GJA1: variants seen among roughly 807,000 people sequenced by gnomAD.
GJA1 encodes the protein gap junction alpha-1 protein.
A neutral mutation model predicts 31.0 loss-of-function variants in GJA1; 9 were observed. The ratio of observed to expected loss-of-function variants is 0.29; its 90% CI spans 0.17 to 0.51. GJA1 has a LOEUF of 0.51. Among genes scored for constraint, GJA1 ranks in the 20% least tolerant of loss-of-function variants. The probability of loss-of-function intolerance (pLI) is 0.98; values close to 1 mark genes in which losing one functional copy is unlikely to be tolerated. For missense variants in GJA1, 278 were observed against 468.8 expected, an observed-to-expected ratio of 0.59 and a Z score of 3.76; for synonymous variants, 186 against 180.1, an observed-to-expected ratio of 1.03 and a Z score of -0.26.
Position 121,447,774 on chromosome 6 carries a change from C to T in GJA1, c.927C>T (p.Asn309=), listed in dbSNP as rs766417328. Reference sequence around the variant, plus strand: ...ACAACAAGCAAGCAAGTGAGCAAAACTGGGCTAATTACAGTGCAGAACAAA... The same window carrying T: ...ACAACAAGCAAGCAAGTGAGCAAAATTGGGCTAATTACAGTGCAGAACAAA... ...RNYNKQASEQ[N]WANYSAEQNR... Residue 309 remains asparagine, a synonymous_variant, in exon 2 of 2, where the codon AAC becomes AAT. Coordinates refer to ENST00000282561, the MANE Select transcript of GJA1 (RefSeq NM_000165.5). 23 of 1,613,934 alleles carry T rather than the reference C, an allele frequency of 1.4e-5. No homozygotes were observed. The East Asian group carries it at 4.5e-4, about 31-fold the overall frequency.
chr6:121,448,056 G>A lies in GJA1; in HGVS notation c.*60G>A. On this transcript the variant is annotated 3_prime_UTR_variant, in exon 2 of 2. Transcript: ENST00000282561. ...TGTGGAGAAGAAAAAAGGTGCTGTA[G>A]AAAGTGCACCAGGTGTTAATTTTGA... is the stretch of plus-strand genomic sequence containing the variant. 7.0e-7 allele frequency: 1 copy of A among 1,436,642 alleles called. No homozygotes were observed. Among genetic ancestry groups the A allele is most frequent in the Non-Finnish European group, 9.8e-7 (1 of 1,018,996 alleles). The allele number at this position is 1,436,642 out of a possible 1,614,324, so 89.0% of individuals were successfully genotyped here.
At chr6:121,440,325 A>C (rs951376946) in intron 1 of GJA1, among the ~76,000 whole-genome samples, 3 of 152,154 alleles carry the variant, frequency 2.0e-5, no homozygotes, top group Admixed American at 6.5e-5. Context: ...TTAGGATCTC[A>C]TTTAACAAAT....
At chr6:121,440,247 C>T (rs988951732) in intron 1 of GJA1, among the ~76,000 whole-genome samples, 1 of 151,760 alleles carries the variant, frequency 6.6e-6, no homozygotes, top group African/African-American at 2.4e-5. Flanking sequence ...TAACCTGCAA[C>T]AACCTAACAG....
At position 121,448,031 on chromosome 6, in the gene GJA1, T is replaced by G; in HGVS notation, c.*35T>G. The G allele has an allele frequency of 6.3e-7, 1 of 1,576,582 alleles. No homozygotes were observed. On this transcript the variant is annotated 3_prime_UTR_variant, in exon 2 of 2. Transcript: ENST00000282561. ...TGAAAGCATCAAGATTCCACTCAATTGTGGAGAAGAAAAAAGGTGCTGTAG... is the reference window on the plus strand; with the variant it reads ...TGAAAGCATCAAGATTCCACTCAATGGTGGAGAAGAAAAAAGGTGCTGTAG...
intron 1 of GJA1, among the ~76,000 whole-genome samples, chr6:121,443,039 C>G (rs1262850520): frequency 6.6e-6 from 1 of 152,144 alleles, no homozygotes; most frequent in Non-Finnish European, 1.5e-5. Context: ...AAGAAATATA[C>G]CTGTTTCCCC....
chr6:121,436,713 A>T (rs538484540), intron 1 of GJA1, among the ~76,000 whole-genome samples: 1 of 151,732 alleles, frequency 6.6e-6, no homozygotes, highest in Non-Finnish European at 1.5e-5. Context: ...GCAGGAAAAA[A>T]ACTTTCTTAA....
At chr6:121,445,942 GA>G (rs1343807098) in intron 1 of GJA1, among the ~76,000 whole-genome samples, 1 of 151,980 alleles carries the variant, frequency 6.6e-6, no homozygotes, top group East Asian at 1.9e-4. Flanking sequence ...AAAAGAAACA[GA>G]AAAGTGTAAA....
chr6:121,436,596 A>G (rs1021145359), intron 1 of GJA1, among the ~76,000 whole-genome samples: 3 of 152,208 alleles, frequency 2.0e-5, no homozygotes, highest in Non-Finnish European at 4.4e-5. Flanking sequence ...AATCTCTTGA[A>G]TGGGTGGTGG....
intron 1 of GJA1, among the ~76,000 whole-genome samples, chr6:121,439,362 C>T (rs1230107771): frequency 6.6e-6 from 1 of 151,918 alleles, no homozygotes; most frequent in African/African-American, 2.4e-5. Context: ...CTTGTGAGGG[C>T]CCTAAGGGTG....
chr6:121,448,036 A>G lies in GJA1; in HGVS notation c.*40A>G. 1.3e-6 allele frequency: 2 copies of G among 1,565,038 alleles called. No homozygotes were observed. The highest frequency in any genetic ancestry group is 1.7e-5 in the Admixed American group (1 of 59,940). On this transcript the variant is annotated 3_prime_UTR_variant, in exon 2 of 2. Coordinates refer to ENST00000282561, the MANE Select transcript of GJA1 (RefSeq NM_000165.5). ...GCATCAAGATTCCACTCAATTGTGG[A>G]GAAGAAAAAAGGTGCTGTAGAAAGT...
chr6:121,447,839 A>T lies in GJA1; in HGVS notation c.992A>T (p.His331Leu). Reference protein sequence around the residue: ...GQAGSTISNSHAQPFDFPDDN... With the variant: ...GQAGSTISNSLAQPFDFPDDN... ...GCGGGAAGCACCATCTCTAACTCCC[A>T]TGCACAGCCTTTTGATTTCCCCGAT... Residue 331 changes from histidine (H) to leucine (L), a missense_variant, in exon 2 of 2, where the codon CAT becomes CTT. Transcript: ENST00000282561. The T allele has an allele frequency of 6.2e-7, 1 of 1,613,892 alleles. No homozygotes were observed. The highest frequency in any genetic ancestry group is 8.5e-7 in the Non-Finnish European group (1 of 1,179,872).
intron 1 of GJA1, among the ~76,000 whole-genome samples, chr6:121,438,000 C>A (rs570820338): frequency 6.6e-6 from 1 of 152,088 alleles, no homozygotes; most frequent in Non-Finnish European, 1.5e-5. Context: ...CCCTCCCCCC[C>A]GCGCCAGGAA....
Position 121,446,761 on chromosome 6 carries a change from T to C in GJA1, c.-16-71T>C, listed in dbSNP as rs570422661. The C allele has an allele frequency of 4.1e-6, 4 of 978,016 alleles. No individual in the cohort carries two copies. In the African/African-American group the frequency reaches 6.4e-5, roughly 16 times the overall value. 60.6% of individuals were successfully genotyped at this position (978,016 alleles called of 1,614,324 possible). A position where few individuals can be genotyped will look rare whatever the true frequency, so the allele number is the denominator to read the frequency against. On this transcript the variant is annotated intron_variant, in intron 1 of 1. Transcript: ENST00000282561. The stretch of plus-strand genomic sequence containing the variant: ...CGTTGGTAGTATTTTGACTATCACC[T>C]GAAAGGTACTAAATGTTAAACTAGT...
Position 121,447,296 on chromosome 6 carries a change from G to C in GJA1, c.449G>C (p.Gly150Ala). Residue 150 changes from glycine (G) to alanine (A), a missense_variant, in exon 2 of 2, where the codon GGG becomes GCG. Coordinates refer to ENST00000282561, the MANE Select transcript of GJA1 (RefSeq NM_000165.5). ...CATGGTAAGGTGAAAATGCGAGGGG[G>C]GTTGCTGCGAACCTACATCATCAGT... ...EEHGKVKMRGGLLRTYIISIL... is the reference protein window; with the variant it reads ...EEHGKVKMRGALLRTYIISIL... 1 of 1,613,966 alleles carries C rather than the reference G, an allele frequency of 6.2e-7. No individual in the cohort carries two copies. The highest frequency in any genetic ancestry group is 8.5e-7 in the Non-Finnish European group (1 of 1,179,884).
chr6:121,443,902 G>A (rs954847004), intron 1 of GJA1, among the ~76,000 whole-genome samples: 12 of 152,178 alleles, frequency 7.9e-5, no homozygotes, highest in Admixed American at 5.9e-4. Context: ...AGCAAAAGCA[G>A]ATGACACTGG....
At chr6:121,437,276 C>G (rs1171285149) in intron 1 of GJA1, among the ~76,000 whole-genome samples, 5 of 151,554 alleles carry the variant, frequency 3.3e-5, no homozygotes, top group African/African-American at 1.2e-4. Flanking sequence ...GAGAGATGGG[C>G]TGGGTGCCAA....
intron 1 of GJA1, among the ~76,000 whole-genome samples, chr6:121,443,240 A>G (rs1773826910): frequency 6.6e-6 from 1 of 152,182 alleles, no homozygotes; most frequent in East Asian, 1.9e-4. Context: ...TTCATGGCAA[A>G]GTGAGCAACT....
In GJA1 at chr6:121,448,012, C is replaced by A. The variant is rs1443577557; in HGVS notation, c.*16C>A. The A allele has an allele frequency of 1.9e-6, 3 of 1,604,678 alleles. No homozygotes were observed. In the African/African-American group the frequency reaches 4.0e-5, roughly 21 times the overall value. On this transcript the variant is annotated 3_prime_UTR_variant, in exon 2 of 2. Coordinates refer to ENST00000282561, the MANE Select transcript of GJA1 (RefSeq NM_000165.5). ...GGAGATCTAGATACAGGCTTGAAAG[C>A]ATCAAGATTCCACTCAATTGTGGAG...
At position 121,441,489 on chromosome 6, in the gene GJA1, G is replaced by A. The variant is rs1773780572; in HGVS notation, c.-16-5343G>A. Reference sequence around the variant, plus strand: ...ATAATAAATCCTTCTCATGGAAGGAGGTACATAGTAATCAGGCAAATATTT... The same window carrying A: ...ATAATAAATCCTTCTCATGGAAGGAAGTACATAGTAATCAGGCAAATATTT... On this transcript the variant is annotated intron_variant, in intron 1 of 1. Coordinates refer to ENST00000282561, the MANE Select transcript of GJA1 (RefSeq NM_000165.5). Among the ~76,000 whole-genome samples, 7 of 152,078 alleles carry A rather than the reference G, an allele frequency of 4.6e-5. No homozygotes were observed. In the South Asian group the frequency reaches 1.4e-3, roughly 31 times the overall value.
Sources: gnomAD v4.1 joint callset for allele counts (sites outside exome capture counted in the v4.1 genomes callset) on GRCh38, gnomAD v4.1.1 for gene constraint, MANE v1.5 for transcripts, NCBI Gene and HGNC (gene_info 2026-07-23, HGNC 2026-07-21) for gene names.